Variants in INPP4B observed in about 807,000 individuals in gnomAD.
INPP4B encodes inositol polyphosphate 4-phosphatase type II.
Under a neutral mutation model 122.5 loss-of-function variants are expected in INPP4B, and 55 were observed. The observed-to-expected ratio is 0.45, with a 90% confidence interval of 0.36 to 0.56. The LOEUF (loss-of-function observed/expected upper bound fraction) is 0.56. Ranked by LOEUF, INPP4B falls within the 20% of genes least tolerant of loss-of-function variation. The pLI, the probability that INPP4B is intolerant of heterozygous loss-of-function variation, is 0.00. For synonymous variants in INPP4B, 403 were observed against 388.7 expected (o/e 1.04, Z -0.43); for missense variants, 1,000 against 1,097.7 (o/e 0.91, Z 1.26).
At chr4:142,090,524 C>T (rs915040210) in intron 23 of INPP4B, among the ~76,000 whole-genome samples, 2 of 152,040 alleles carry the variant, frequency 1.3e-5, no homozygotes, top group African/African-American at 4.8e-5. Context: ...ATGATAGATC[C>T]TGATGTATCA....
intron 2 of INPP4B, among the ~76,000 whole-genome samples, chr4:142,649,742 G>C (rs567139066): frequency 6.6e-5 from 10 of 152,310 alleles, no homozygotes; most frequent in South Asian, 6.2e-4. Context: ...ATGTTTAATA[G>C]ATATATCTGA....
chr4:142,142,688 C>A (rs952432843), intron 18 of INPP4B, among the ~76,000 whole-genome samples: 9 of 151,992 alleles, frequency 5.9e-5, no homozygotes, highest in Non-Finnish European at 1.3e-4. Flanking sequence ...TAAGAGAGAA[C>A]AACTTGAGTC....
chr4:142,440,687 C>T lies in INPP4B; in HGVS notation c.-126-9302G>A, dbSNP rs1270190688. Among the ~76,000 whole-genome samples, 4 of 152,064 alleles carry T rather than the reference C, an allele frequency of 2.6e-5. No individual in the cohort carries two copies. In the East Asian group the frequency reaches 7.7e-4, roughly 29 times the overall value. On this transcript the variant is annotated intron_variant, in intron 3 of 25. Coordinates refer to ENST00000262992, the MANE Select transcript of INPP4B (RefSeq NM_001101669.3). ...TTTCTCTCATGGAGCTTTAAAAATA[C>T]ATTCTTAGAACTCAATTTGAAAACT...
intron 1 of INPP4B, among the ~76,000 whole-genome samples, chr4:142,840,557 C>T (rs1783356031): frequency 6.6e-6 from 1 of 152,024 alleles, no homozygotes; most frequent in Non-Finnish European, 1.5e-5. Flanking sequence ...TAAAGTATTA[C>T]TCATAATAGA....
At chr4:142,180,234 A>T (rs1830177320) in intron 15 of INPP4B, among the ~76,000 whole-genome samples, 1 of 152,140 alleles carries the variant, frequency 6.6e-6, no homozygotes, top group Non-Finnish European at 1.5e-5. Context: ...TTCTAGACAA[A>T]CTATACTATA....
intron 12 of INPP4B, among the ~76,000 whole-genome samples, chr4:142,221,527 C>T (rs113148326): frequency 3.1e-4 from 47 of 152,136 alleles, no homozygotes; most frequent in African/African-American, 1.1e-3. Flanking sequence ...TTCTATCTTG[C>T]CCACAAGGAT....
At chr4:142,842,743 T>G (rs1783685002) in intron 1 of INPP4B, among the ~76,000 whole-genome samples, 1 of 132,016 alleles carries the variant, frequency 7.6e-6, no homozygotes. Context: ...ATTAATATAA[T>G]ATATAATATA....
chr4:142,640,850 T>C (rs1443189), intron 2 of INPP4B, among the ~76,000 whole-genome samples: 129,774 of 152,096 alleles, frequency 0.85, 55,412 homozygotes, highest in African/African-American at 0.89. Flanking sequence ...ATCATGGAAA[T>C]GCTAATTAAA....
intron 25 of INPP4B, among the ~76,000 whole-genome samples, chr4:142,068,868 C>T (rs1268204310): frequency 5.3e-5 from 8 of 152,172 alleles, no homozygotes; most frequent in Non-Finnish European, 1.0e-4. Flanking sequence ...CTTAGACTCT[C>T]ACACAATAAT....
chr4:142,193,159 G>A lies in INPP4B; in HGVS notation c.1109C>T (p.Ala370Val), dbSNP rs2149358886. The stretch of plus-strand genomic sequence containing the variant: ...ATTCTTAAATCCCTGAAAATGGGCA[G>A]CTGGGGCTCCCACAGTGATGACATC... ...LYDVITVGAP[A>V]AHFQGFKNGG... The change falls in exon 15 of 26, where the codon GCT (alanine) becomes GTT (valine). Residue 370 changes from alanine to valine, a missense_variant. Physicochemically the swap from Ala to Val is moderately conservative, Grantham distance 64. Coordinates refer to ENST00000262992, the MANE Select transcript of INPP4B (RefSeq NM_001101669.3). 1 of 1,612,578 alleles carries A rather than the reference G, an allele frequency of 6.2e-7. No homozygotes were observed. Among genetic ancestry groups the A allele is most frequent in the Non-Finnish European group, 8.5e-7 (1 of 1,178,672 alleles).
At chr4:142,562,707 A>G (rs570262587) in intron 2 of INPP4B, among the ~76,000 whole-genome samples, 3 of 151,518 alleles carry the variant, frequency 2.0e-5, no homozygotes, top group Admixed American at 6.6e-5. Context: ...AATCTATAAG[A>G]AAAAAAAATA....
intron 2 of INPP4B, among the ~76,000 whole-genome samples, chr4:142,688,985 T>C (rs1050174687): frequency 1.3e-5 from 2 of 152,174 alleles, no homozygotes; most frequent in East Asian, 3.9e-4. Flanking sequence ...CCTCATGATT[T>C]CATCTCTGAT....
chr4:142,033,949 G>A (rs147150430), intron 25 of INPP4B, among the ~76,000 whole-genome samples: 1 of 152,200 alleles, frequency 6.6e-6, no homozygotes, highest in African/African-American at 2.4e-5. Context: ...TTACAGGCAT[G>A]AGCCACTGTG....
Position 142,539,800 on chromosome 4 carries a change from A to T in INPP4B, c.-190-77074T>A, listed in dbSNP as rs556413588. ...CTTGGGACAAACAGGAACTGACAGCAAGAGATGGGCTATGTAATTATGATA... is the reference window on the plus strand; with the variant it reads ...CTTGGGACAAACAGGAACTGACAGCTAGAGATGGGCTATGTAATTATGATA... On this transcript the variant is annotated intron_variant, in intron 2 of 25. Coordinates refer to ENST00000262992, the MANE Select transcript of INPP4B (RefSeq NM_001101669.3). Among the ~76,000 whole-genome samples the T allele has an allele frequency of 5.3e-5, 8 of 152,188 alleles. No homozygotes were observed. In the South Asian group the frequency reaches 1.2e-3, roughly 24 times the overall value.
intron 2 of INPP4B, among the ~76,000 whole-genome samples, chr4:142,507,791 C>A (rs1029913225): frequency 2.6e-5 from 4 of 152,062 alleles, no homozygotes; most frequent in Admixed American, 2.0e-4. Flanking sequence ...GGCTTCAACA[C>A]CAGACCCCTC....
chr4:142,206,283 G>A (rs75366248), intron 14 of INPP4B, among the ~76,000 whole-genome samples: 4,525 of 151,310 alleles, frequency 0.03, 212 homozygotes, highest in African/African-American at 0.1. Flanking sequence ...TTTCTAACAC[G>A]TGAATTTTGG....
chr4:142,571,089 C>CAAA (rs374253787), intron 2 of INPP4B, among the ~76,000 whole-genome samples: 1,559 of 84,176 alleles, frequency 0.019, 12 homozygotes, highest in Middle Eastern at 0.048. Context: ...TCATGTTTCT[C>CAAA]AAAAAAAAAA....
chr4:142,845,728 C>CCGGCGGCGG (rs78589959), intron 1 of INPP4B, among the ~76,000 whole-genome samples: 14 of 151,330 alleles, frequency 9.3e-5, no homozygotes, highest in South Asian at 6.3e-4. Flanking sequence ...TCTTCCCAGG[C>CCGGCGGCGG]CGGCGGCGGC....
chr4:142,717,796 G>A (rs7656996), intron 2 of INPP4B, among the ~76,000 whole-genome samples: 1,660 of 150,878 alleles, frequency 0.011, 36 homozygotes, highest in African/African-American at 0.039. Flanking sequence ...TGTAAATAAC[G>A]AGTTAATGGG....
Sources: allele counts gnomAD v4.1 joint callset (sites outside exome capture counted in the v4.1 genomes callset), GRCh38; gene constraint gnomAD v4.1.1; transcripts MANE v1.5; gene names NCBI Gene and HGNC (gene_info 2026-07-23, HGNC 2026-07-21).